SEZ6L: variants seen among roughly 807,000 people sequenced by gnomAD.
The protein encoded by SEZ6L is seizure related 6 homolog like.
A neutral mutation model predicts 106.2 loss-of-function variants in SEZ6L; 37 were observed. The observed-to-expected ratio is 0.35, with a 90% CI of 0.27 to 0.46. The LOEUF (loss-of-function observed/expected upper bound fraction) is 0.46. Among genes scored for constraint, SEZ6L ranks in the 20% least tolerant of loss-of-function variants. The probability of loss-of-function intolerance (pLI) is 1.00; values close to 1 mark genes in which losing one functional copy is unlikely to be tolerated. For synonymous variants in SEZ6L, 541 were observed against 570.4 expected, an observed-to-expected ratio of 0.95 and a Z score of 0.73; for missense variants, 1,172 against 1,332.8, an observed-to-expected ratio of 0.88 and a Z score of 1.88.
At chr22:26,306,652 T>A (rs9754414) in intron 6 of SEZ6L, among the ~76,000 whole-genome samples, 2,547 of 152,328 alleles carry the variant, frequency 0.017, 82 homozygotes, top group African/African-American at 0.057. Context: ...ATAATATGCA[T>A]AGAATCCAGA....
chr22:26,342,794 C>T (rs917401956), intron 10 of SEZ6L, among the ~76,000 whole-genome samples: 7 of 152,222 alleles, frequency 4.6e-5, no homozygotes, highest in Non-Finnish European at 7.3e-5. Context: ...ACTGCAATTA[C>T]TTCTGCGCCA....
At chr22:26,359,848 G>GT (rs2083556249) in intron 12 of SEZ6L, among the ~76,000 whole-genome samples, 1 of 152,124 alleles carries the variant, frequency 6.6e-6, no homozygotes, top group Non-Finnish European at 1.5e-5. Context: ...TAATATCTGT[G>GT]TCTTAGGGTT....
At chr22:26,177,229 C>T (rs527907321) in intron 1 of SEZ6L, among the ~76,000 whole-genome samples, 2 of 152,100 alleles carry the variant, frequency 1.3e-5, no homozygotes, top group East Asian at 3.9e-4. Flanking sequence ...AGTGTCCAAC[C>T]TCATAGGATT....
At chr22:26,377,057 A>G (rs2078802086) in intron 15 of SEZ6L, among the ~76,000 whole-genome samples, 1 of 152,218 alleles carries the variant, frequency 6.6e-6, no homozygotes, top group African/African-American at 2.4e-5. Flanking sequence ...AGGCTGGAGG[A>G]TCGCGTGAGC....
rs2082414703 is a variant in SEZ6L at position 26,329,434 on chromosome 22, C to T, written c.2016-11002C>T. ...AGTGAGCCAAGATCATGCCATTGCA[C>T]TCCAGCCTGGATGACAGAGTGAAAC... On this transcript the variant is annotated intron_variant, in intron 9 of 16. Coordinates refer to ENST00000248933, the MANE Select transcript of SEZ6L (RefSeq NM_021115.5). Among the ~76,000 whole-genome samples, 4 of 152,214 alleles carry T rather than the reference C, an allele frequency of 2.6e-5. No individual in the cohort carries two copies. The South Asian group carries it at 6.2e-4, about 24-fold the overall frequency.
At chr22:26,187,682 G>A (rs1939874550) in intron 1 of SEZ6L, among the ~76,000 whole-genome samples, 1 of 152,068 alleles carries the variant, frequency 6.6e-6, no homozygotes, top group African/African-American at 2.4e-5. Context: ...ATAAATTTGG[G>A]CAAATGATGA....
At position 26,297,052 on chromosome 22, in the gene SEZ6L, C is replaced by T; in HGVS notation, c.1134C>T (p.Gly378=). The T allele has an allele frequency of 6.2e-7, 1 of 1,613,368 alleles. No individual in the cohort carries two copies. The highest frequency in any genetic ancestry group is 8.5e-7 in the Non-Finnish European group (1 of 1,179,592). ...ACTTCCGGACCTTCCAGGACGACGG[C>T]CTTGGGACCTTCCAGCTTCACTACC... ...SVYFRTFQDD[G]LGTFQLHYQA... Residue 378 remains glycine (G), a synonymous_variant, in exon 4 of 17, where the codon GGC becomes GGT. Coordinates refer to ENST00000248933, the MANE Select transcript of SEZ6L (RefSeq NM_021115.5).
intron 1 of SEZ6L, among the ~76,000 whole-genome samples, chr22:26,246,591 C>T (rs1482173038): frequency 6.6e-6 from 1 of 152,064 alleles, no homozygotes; most frequent in East Asian, 1.9e-4. Context: ...AAGGTATTTC[C>T]AAGTACGAAA....
intron 1 of SEZ6L, among the ~76,000 whole-genome samples, chr22:26,278,546 G>C (rs73156893): frequency 0.05 from 7,658 of 152,186 alleles, 256 homozygotes; most frequent in African/African-American, 0.092. Flanking sequence ...GCAGTATTTG[G>C]TTTTGTGTTT....
At chr22:26,307,979 C>T (rs559295748) in intron 6 of SEZ6L, among the ~76,000 whole-genome samples, 2 of 152,104 alleles carry the variant, frequency 1.3e-5, no homozygotes, top group Non-Finnish European at 2.9e-5. Context: ...CAGGAAAAAA[C>T]CAGCTTTCAA....
At chr22:26,373,427 A>C in intron 13 of SEZ6L, 24 bp from the exon 14 acceptor site, 1 of 1,600,926 alleles carries the variant, frequency 6.2e-7, no homozygotes, top group South Asian at 1.1e-5. Context: ...TACATTGACC[A>C]ATGCTTCCTG....
intron 1 of SEZ6L, among the ~76,000 whole-genome samples, chr22:26,255,795 G>A (rs2145805500): frequency 6.6e-6 from 1 of 152,370 alleles, no homozygotes; most frequent in Admixed American, 6.5e-5. Flanking sequence ...GGGAAGGCTT[G>A]GTGCTAGTCA....
chr22:26,310,879 G>C (rs1413422559), intron 7 of SEZ6L, 43 bp downstream of exon 7: 2 of 1,592,352 alleles, frequency 1.3e-6, no homozygotes, highest in South Asian at 2.2e-5. Context: ...TGGGGCTGGG[G>C]GTAGCCTGGG....
In SEZ6L at chr22:26,342,694, CAAAGAAA is replaced by C. The variant is rs201470792; in HGVS notation, c.2212+2078_2212+2084del. On this transcript the variant is annotated intron_variant, in intron 10 of 16. Transcript: ENST00000248933. ...TGGGTGATAGAGCGAGACTCCGTCTCAAAGAAAAAAGAAAAAAGAAAAGAATTGTCCA... is the reference window on the plus strand; with the variant it reads ...TGGGTGATAGAGCGAGACTCCGTCTCAAAGAAAAAAGAAAAGAATTGTCCA... 5.1e-3 allele frequency among the ~76,000 whole-genome samples: 705 copies of C among 137,902 alleles called. 3 individuals carry two copies. The highest frequency in any genetic ancestry group is 0.019 in the African/African-American group (664 of 34,716). 90.5% of individuals were successfully genotyped at this position (137,902 alleles called of 152,430 possible).
In SEZ6L at chr22:26,381,871, C is replaced by T; in HGVS notation, c.*1576C>T. ...CCTCTTTGGTGCCCTCCCATTCTCT[C>T]TGGAATTGTTTCAAGTCTGCTGGTT... On this transcript the variant is annotated 3_prime_UTR_variant, in exon 17 of 17. Coordinates refer to ENST00000248933, the MANE Select transcript of SEZ6L (RefSeq NM_021115.5). 2.6e-6 allele frequency: 1 copy of T among 389,418 alleles called. No individual in the cohort carries two copies. Among genetic ancestry groups the T allele is most frequent in the South Asian group, 2.0e-5 (1 of 48,820 alleles). 24.1% of individuals were successfully genotyped at this position (389,418 alleles called of 1,614,324 possible). A position where few individuals can be genotyped will look rare whatever the true frequency, so the allele number is the denominator to read the frequency against.
intron 1 of SEZ6L, among the ~76,000 whole-genome samples, chr22:26,271,428 T>C (rs1374029347): frequency 1.3e-5 from 2 of 152,150 alleles, no homozygotes; most frequent in Non-Finnish European, 2.9e-5. Context: ...TTGATATTGT[T>C]TGGATATGTG....
chr22:26,236,306 C>T (rs1556181249), intron 1 of SEZ6L, among the ~76,000 whole-genome samples: 2 of 152,180 alleles, frequency 1.3e-5, no homozygotes, highest in Non-Finnish European at 2.9e-5. Context: ...AGAGGGGGAC[C>T]GACCCTCTAA....
chr22:26,342,549 A>G (rs1025379011), intron 10 of SEZ6L, among the ~76,000 whole-genome samples: 2 of 148,528 alleles, frequency 1.3e-5, no homozygotes, highest in South Asian at 2.1e-4. Flanking sequence ...AAAAAACATT[A>G]GCTGGGTGTG....
intron 1 of SEZ6L, among the ~76,000 whole-genome samples, chr22:26,246,823 C>T (rs1295198382): frequency 6.6e-6 from 1 of 152,146 alleles, no homozygotes; most frequent in Non-Finnish European, 1.5e-5. Flanking sequence ...TTAATAACCC[C>T]CTTCATTAGC....
Sources: allele counts gnomAD v4.1 joint callset (sites outside exome capture counted in the v4.1 genomes callset), GRCh38; gene constraint gnomAD v4.1.1; transcripts MANE v1.5; gene names NCBI Gene and HGNC (gene_info 2026-07-23, HGNC 2026-07-21).